FANCC: variants seen among roughly 807,000 people sequenced by gnomAD.
FANCC encodes FA complementation group C.
Under a neutral mutation model 71.3 loss-of-function variants are expected in FANCC, and 55 were observed. The observed-to-expected ratio is 0.77, with a 90% CI of 0.62 to 0.97. The LOEUF (loss-of-function observed/expected upper bound fraction) is 0.97. Among genes scored for constraint, FANCC ranks in the 50% least tolerant of loss-of-function variants. FANCC has a pLI of 0.00. For missense variants in FANCC, 678 were observed against 670.9 expected, an observed-to-expected ratio of 1.01 and a Z score of -0.12; for synonymous variants, 275 against 244.9, an observed-to-expected ratio of 1.12 and a Z score of -1.15.
intron 7 of FANCC, among the ~76,000 whole-genome samples, chr9:95,142,857 C>T (rs191708536): frequency 6.6e-6 from 1 of 152,302 alleles, no homozygotes; most frequent in Non-Finnish European, 1.5e-5. Flanking sequence ...CTCACACTCA[C>T]TGTGTGGATT....
intron 7 of FANCC, among the ~76,000 whole-genome samples, chr9:95,148,468 G>A (rs959170794): frequency 2.6e-5 from 4 of 152,214 alleles, no homozygotes; most frequent in African/African-American, 9.6e-5. Flanking sequence ...TAAGGAAAAT[G>A]ACTGACAGTG....
intron 5 of FANCC, among the ~76,000 whole-genome samples, chr9:95,171,650 T>C (rs1039179708): frequency 6.6e-6 from 1 of 152,206 alleles, no homozygotes; most frequent in Non-Finnish European, 1.5e-5. Context: ...TTTAAAACTA[T>C]GTACTGAATT....
intron 7 of FANCC, among the ~76,000 whole-genome samples, chr9:95,138,467 G>A (rs1175569099): frequency 1.3e-5 from 2 of 152,212 alleles, no homozygotes; most frequent in African/African-American, 4.8e-5. Flanking sequence ...TGGAGAGGGT[G>A]CTCGTAGCTT....
intron 1 of FANCC, among the ~76,000 whole-genome samples, chr9:95,303,057 G>T (rs761047075): frequency 6.6e-6 from 1 of 152,144 alleles, no homozygotes; most frequent in Non-Finnish European, 1.5e-5. Flanking sequence ...GAGGTGTAAG[G>T]CAAGTATCTA....
intron 1 of FANCC, among the ~76,000 whole-genome samples, chr9:95,305,662 C>T (rs1224983786): frequency 6.6e-6 from 1 of 152,124 alleles, no homozygotes. Context: ...AGTTAAATGA[C>T]CATCAAGAAT....
chr9:95,177,357 AACTGG>A (rs1477496714), intron 4 of FANCC, among the ~76,000 whole-genome samples: 1 of 152,212 alleles, frequency 6.6e-6, no homozygotes, highest in Non-Finnish European at 1.5e-5. Flanking sequence ...GAGCCTGAAG[AACTGG>A]AAGTTGCTCT....
At chr9:95,285,466 TTTC>T (rs1372265502) in intron 1 of FANCC, among the ~76,000 whole-genome samples, 1 of 152,140 alleles carries the variant, frequency 6.6e-6, no homozygotes, top group Admixed American at 6.6e-5. Context: ...GAAACACGGA[TTTC>T]TTCTTTCAAC....
intron 6 of FANCC, among the ~76,000 whole-genome samples, chr9:95,159,306 G>A (rs1164401703): frequency 6.6e-6 from 1 of 152,168 alleles, no homozygotes. Flanking sequence ...CCTTGTGAGA[G>A]TTTGCTCAGA....
In FANCC at chr9:95,160,687, G is replaced by GTCT. The variant is rs542590930; in HGVS notation, c.521+10389_521+10391dup. Among the ~76,000 whole-genome samples the GTCT allele has an allele frequency of 7.2e-5, 11 of 152,238 alleles. No homozygotes were observed. The South Asian group carries it at 2.1e-3, about 29-fold the overall frequency. ...ATGGAATGTTCTTCCGTTTGTTTGT[G>GTCT]TCTTCTTTTATTTCCTTGAGCAGTG... On this transcript the variant is annotated intron_variant, in intron 6 of 14. Coordinates refer to ENST00000289081, the MANE Select transcript of FANCC (RefSeq NM_000136.3).
intron 4 of FANCC, among the ~76,000 whole-genome samples, chr9:95,203,925 T>G (rs1281727610): frequency 6.6e-6 from 1 of 152,164 alleles, no homozygotes; most frequent in Non-Finnish European, 1.5e-5. Context: ...AGGGAGGACC[T>G]TGTAGGCCTC....
intron 4 of FANCC, among the ~76,000 whole-genome samples, chr9:95,197,772 T>C (rs1329793722): frequency 6.6e-6 from 1 of 152,128 alleles, no homozygotes; most frequent in East Asian, 1.9e-4. Flanking sequence ...GCAGCCAAGA[T>C]GCCAAGCCCT....
chr9:95,232,249 C>T (rs571327711), intron 4 of FANCC, among the ~76,000 whole-genome samples: 2 of 152,128 alleles, frequency 1.3e-5, no homozygotes, highest in Admixed American at 6.5e-5. Context: ...AGAAACCATC[C>T]TCATGATACA....
intron 1 of FANCC, among the ~76,000 whole-genome samples, chr9:95,315,990 A>T (rs949229722): frequency 6.6e-6 from 1 of 152,274 alleles, no homozygotes; most frequent in African/African-American, 2.4e-5. Context: ...CAATCAAGTT[A>T]ATGCTTTTTA....
At chr9:95,177,160 G>C (rs2135632783) in intron 4 of FANCC, among the ~76,000 whole-genome samples, 1 of 152,316 alleles carries the variant, frequency 6.6e-6, no homozygotes, top group Non-Finnish European at 1.5e-5. Flanking sequence ...AGATGGCTCA[G>C]CCTGCTGCAC....
chr9:95,316,446 ATCTG>A (rs767026105), intron 1 of FANCC, among the ~76,000 whole-genome samples: 2 of 152,222 alleles, frequency 1.3e-5, no homozygotes, highest in East Asian at 1.9e-4. Context: ...GGAGAAAACG[ATCTG>A]TCTGAGGGCA....
chr9:95,143,537 A>T (rs1296885631), intron 7 of FANCC, among the ~76,000 whole-genome samples: 2 of 152,206 alleles, frequency 1.3e-5, no homozygotes, highest in African/African-American at 4.8e-5. Context: ...ATCACTCAGG[A>T]AATTTCAAGG....
At chr9:95,298,829 G>A (rs1271786029) in intron 1 of FANCC, among the ~76,000 whole-genome samples, 1 of 152,178 alleles carries the variant, frequency 6.6e-6, no homozygotes, top group Non-Finnish European at 1.5e-5. Context: ...GATACCATCT[G>A]TGCAGCCAAG....
intron 1 of FANCC, among the ~76,000 whole-genome samples, chr9:95,307,498 A>G (rs2765817): frequency 0.94 from 142,789 of 152,310 alleles, 66,944 homozygotes; most frequent in Middle Eastern, 0.98. Context: ...ACCCTGATTA[A>G]TGCAGTAATT....
At chr9:95,187,975 C>T (rs892301271) in intron 4 of FANCC, among the ~76,000 whole-genome samples, 1 of 151,270 alleles carries the variant, frequency 6.6e-6, no homozygotes, top group Non-Finnish European at 1.5e-5. Flanking sequence ...AAGAAACTCA[C>T]TTACTGTCAC....
Sources: allele counts gnomAD v4.1 joint callset (sites outside exome capture counted in the v4.1 genomes callset), GRCh38; gene constraint gnomAD v4.1.1; transcripts MANE v1.5; gene names NCBI Gene and HGNC (gene_info 2026-07-23, HGNC 2026-07-21).